Variants in SLC35F1 observed in about 807,000 individuals in gnomAD.
The protein encoded by SLC35F1 is solute carrier family 35 member F1.
Under a neutral mutation model 48.7 loss-of-function variants are expected in SLC35F1, and 14 were observed. The ratio of observed to expected loss-of-function variants is 0.29; its 90% CI spans 0.19 to 0.45. SLC35F1 has a LOEUF of 0.45. Ranked by LOEUF, SLC35F1 falls within the 20% of genes least tolerant of loss-of-function variation. The pLI, the probability that SLC35F1 is intolerant of heterozygous loss-of-function variation, is 1.00. For missense variants in SLC35F1, 404 were observed against 500.0 expected, an observed-to-expected ratio of 0.81 and a Z score of 1.83; for synonymous variants, 190 against 202.2, an observed-to-expected ratio of 0.94 and a Z score of 0.51.
At chr6:118,032,274 G>C (rs1415193176) in intron 1 of SLC35F1, among the ~76,000 whole-genome samples, 1 of 152,042 alleles carries the variant, frequency 6.6e-6, no homozygotes, top group Non-Finnish European at 1.5e-5. Flanking sequence ...AAATGAGGGT[G>C]GACATGGAAG....
Position 117,949,967 on chromosome 6 carries a change from G to C in SLC35F1, c.173+42068G>C, listed in dbSNP as rs146524147. On this transcript the variant is annotated intron_variant, in intron 1 of 7. Coordinates refer to ENST00000360388, the MANE Select transcript of SLC35F1 (RefSeq NM_001029858.4). ...CTAGAATCGTCCCCCACCCACTCTG[G>C]GCAAAGTCTTACCTCTTTTGAGTAG... 1.1e-3 allele frequency among the ~76,000 whole-genome samples: 160 copies of C among 152,124 alleles called. 2 individuals carry two copies. In the East Asian group the frequency reaches 0.026, roughly 25 times the overall value.
chr6:118,292,452 T>C (rs1776136316), intron 7 of SLC35F1, among the ~76,000 whole-genome samples: 2 of 152,214 alleles, frequency 1.3e-5, no homozygotes, highest in African/African-American at 4.8e-5. Context: ...CCTCAGCTTC[T>C]GTGCTGAGGA....
intron 1 of SLC35F1, among the ~76,000 whole-genome samples, chr6:117,921,149 C>CT (rs1463195420): frequency 6.6e-6 from 1 of 151,824 alleles, no homozygotes; most frequent in African/African-American, 2.4e-5. Context: ...AGCCCCCCAA[C>CT]TTTTTTTACT....
rs186817019 is a variant in SLC35F1 at position 117,973,635 on chromosome 6, C to T, written c.173+65736C>T. Among the ~76,000 whole-genome samples, 120 of 152,172 alleles carry T rather than the reference C, an allele frequency of 7.9e-4. 1 individual carries two copies. In the East Asian group the frequency reaches 0.015, roughly 19 times the overall value. ...GCCCAGGCTGGAATGCAGTCATGCTCATTGCAGCCTAGAACTCCTAGGCTG... is the reference window on the plus strand; with the variant it reads ...GCCCAGGCTGGAATGCAGTCATGCTTATTGCAGCCTAGAACTCCTAGGCTG... On this transcript the variant is annotated intron_variant, in intron 1 of 7. Transcript: ENST00000360388.
At chr6:118,262,367 T>TA (rs1406279655) in intron 3 of SLC35F1, among the ~76,000 whole-genome samples, 4 of 151,786 alleles carry the variant, frequency 2.6e-5, no homozygotes, top group African/African-American at 9.7e-5. Flanking sequence ...GGCACAGTGA[T>TA]AAGATGGTCA....
At chr6:118,281,204 C>CTCTCTCTATA (rs367855949) in intron 6 of SLC35F1, among the ~76,000 whole-genome samples, 63 of 130,480 alleles carry the variant, frequency 4.8e-4, no homozygotes, top group South Asian at 1.9e-3. Context: ...CTCTCTCTCT[C>CTCTCTCTATA]TATATATATA....
chr6:118,074,650 A>G (rs994749470), intron 1 of SLC35F1, among the ~76,000 whole-genome samples: 1 of 152,208 alleles, frequency 6.6e-6, no homozygotes, highest in Non-Finnish European at 1.5e-5. Flanking sequence ...TAAGACAGGT[A>G]GATTTTTCTT....
intron 1 of SLC35F1, among the ~76,000 whole-genome samples, chr6:117,918,064 A>C (rs1377212087): frequency 6.6e-6 from 1 of 152,146 alleles, no homozygotes; most frequent in African/African-American, 2.4e-5. Context: ...TTGGCAACAC[A>C]GGGAACCCTG....
At chr6:118,000,144 C>A (rs1777068680) in intron 1 of SLC35F1, among the ~76,000 whole-genome samples, 1 of 152,006 alleles carries the variant, frequency 6.6e-6, no homozygotes, top group Non-Finnish European at 1.5e-5. Context: ...GAGATACAAC[C>A]AAAAAAGAGA....
At chr6:118,237,327 ACACACAC>A (rs1775378813) in intron 3 of SLC35F1, among the ~76,000 whole-genome samples, 6 of 1,376 alleles carry the variant, frequency 4.4e-3, no homozygotes, top group Non-Finnish European at 0.012. Flanking sequence ...CTAAGAAAAC[ACACACAC>A]ACACACACAC....
chr6:118,234,360 G>T, intron 2 of SLC35F1, among the ~76,000 whole-genome samples: 1 of 152,138 alleles, frequency 6.6e-6, no homozygotes, highest in East Asian at 1.9e-4. Flanking sequence ...CATCTTTGGT[G>T]TTCTCTCTCT....
chr6:118,025,926 AG>A (rs1358270944), intron 1 of SLC35F1, among the ~76,000 whole-genome samples: 1 of 152,212 alleles, frequency 6.6e-6, no homozygotes, highest in East Asian at 1.9e-4. Flanking sequence ...TGATTGCACC[AG>A]GTAACTGTGG....
chr6:118,048,864 T>C (rs1772340341), intron 1 of SLC35F1, among the ~76,000 whole-genome samples: 1 of 152,176 alleles, frequency 6.6e-6, no homozygotes, highest in Non-Finnish European at 1.5e-5. Flanking sequence ...AAAAAACTAC[T>C]TTAAAGTTCA....
At chr6:118,230,844 C>G (rs1157726601) in intron 2 of SLC35F1, among the ~76,000 whole-genome samples, 1 of 152,098 alleles carries the variant, frequency 6.6e-6, no homozygotes, top group Non-Finnish European at 1.5e-5. Context: ...ATTAGCTGGG[C>G]TTGCTACTCA....
At chr6:118,066,488 C>G (rs1469540917) in intron 1 of SLC35F1, among the ~76,000 whole-genome samples, 2 of 152,156 alleles carry the variant, frequency 1.3e-5, no homozygotes, top group African/African-American at 4.8e-5. Context: ...GAAGTAGATC[C>G]TTCCCTAGTT....
intron 1 of SLC35F1, among the ~76,000 whole-genome samples, chr6:118,076,691 G>A (rs1395437635): frequency 6.6e-6 from 1 of 152,154 alleles, no homozygotes; most frequent in Non-Finnish European, 1.5e-5. Flanking sequence ...TGAGATTTGG[G>A]TGGGGACACA....
chr6:117,914,794 C>T (rs900405827), intron 1 of SLC35F1, among the ~76,000 whole-genome samples: 24 of 151,932 alleles, frequency 1.6e-4, no homozygotes, highest in Admixed American at 1.3e-3. Flanking sequence ...AGGAAAACTG[C>T]CCAGGTAGAA....
chr6:118,056,835 C>A (rs1772469568), intron 1 of SLC35F1, among the ~76,000 whole-genome samples: 2 of 152,070 alleles, frequency 1.3e-5, no homozygotes, highest in African/African-American at 4.8e-5. Flanking sequence ...TTATCTTATA[C>A]CTGCTTTGCA....
intron 2 of SLC35F1, among the ~76,000 whole-genome samples, chr6:118,204,699 A>G (rs1454124514): frequency 6.6e-6 from 1 of 152,158 alleles, no homozygotes; most frequent in Non-Finnish European, 1.5e-5. Flanking sequence ...ATAGTGAATA[A>G]GTTATAAGAA....
Sources: allele counts gnomAD v4.1 joint callset (sites outside exome capture counted in the v4.1 genomes callset), GRCh38; gene constraint gnomAD v4.1.1; transcripts MANE v1.5; gene names NCBI Gene and HGNC (gene_info 2026-07-23, HGNC 2026-07-21).